EIF2B2: variants seen among roughly 807,000 people sequenced by gnomAD.
The protein encoded by EIF2B2 is translation initiation factor eIF2B subunit beta.
In EIF2B2, 34 loss-of-function variants were observed where a neutral mutation model predicts 34.7. That is an observed-to-expected ratio of 0.98 (90% confidence interval 0.75 to 1.31). EIF2B2 has a LOEUF of 1.31. Among genes scored for constraint, EIF2B2 ranks in the 50% most tolerant of loss-of-function variants. The pLI, the probability that EIF2B2 is intolerant of heterozygous loss-of-function variation, is 0.00. For synonymous variants in EIF2B2, 155 were observed against 171.6 expected (o/e 0.90, Z 0.76); for missense variants, 361 against 447.7 (o/e 0.81, Z 1.75).
Position 75,010,447 on chromosome 14 carries a change from T to C in EIF2B2, c.*1259T>C, listed in dbSNP as rs1029690165. 3 of 152,198 alleles carry C rather than the reference T, an allele frequency of 2.0e-5. No homozygotes were observed. Among genetic ancestry groups the C allele is most frequent in the Admixed American group, 6.5e-5 (1 of 15,278 alleles). The allele number at this position is 152,198 out of a possible 1,614,324, so 9.4% of individuals were successfully genotyped here. On this transcript the variant is annotated 3_prime_UTR_variant, in exon 8 of 8. Transcript: ENST00000266126. ...CACCGTGGAACATTATACATGGCAA[T>C]AGAAGTTTCAAAAGGATGGCTGGAG... is the stretch of plus-strand genomic sequence containing the variant.
rs1889687229 is a variant in EIF2B2, at chr14:75,010,259, T to C, written c.*1071T>C. 2.0e-5 allele frequency: 3 copies of C among 152,198 alleles called. No individual in the cohort carries two copies. The highest frequency in any genetic ancestry group is 2.1e-4 in the South Asian group (1 of 4,834). The allele number at this position is 152,198 out of a possible 1,614,324, so 9.4% of individuals were successfully genotyped here. ...AAAGGATAGTCTCATGTAGTGTTTA[T>C]AGGACTATAAATTGGTACAGCCTTT... On this transcript the variant is annotated 3_prime_UTR_variant, in exon 8 of 8. Coordinates refer to ENST00000266126, the MANE Select transcript of EIF2B2 (RefSeq NM_014239.4).
At chr14:75,004,446 T>A (rs778035989) in intron 3 of EIF2B2, among the ~76,000 whole-genome samples, 4 of 141,346 alleles carry the variant, frequency 2.8e-5, no homozygotes, top group Non-Finnish European at 6.2e-5. Flanking sequence ...ATCCCACAAC[T>A]TTGGGAGGCC....
Position 75,003,532 on chromosome 14 carries a change from G to T in EIF2B2, c.285-19G>T, listed in dbSNP as rs769894290. 2 of 1,614,056 alleles carry T rather than the reference G, an allele frequency of 1.2e-6. No homozygotes were observed. The highest frequency in any genetic ancestry group is 2.7e-5 in the African/African-American group (2 of 74,982). On this transcript the variant is annotated intron_variant, in intron 2 of 7. Transcript: ENST00000266126. ...CCACTCCTCCCCACCTCTCTCTTTG[G>T]GTCTTGTTGCCTCTATAGACTCCAT...
Position 75,003,017 on chromosome 14 carries a change from G to C in EIF2B2, c.27G>C (p.Ser9=). The C allele has an allele frequency of 6.2e-7, 1 of 1,614,158 alleles. No homozygotes were observed. The highest frequency in any genetic ancestry group is 1.1e-5 in the South Asian group (1 of 91,088). MPGSAAKG[S]ELSERIESFV... ...TGCCGGGATCCGCAGCGAAGGGCTC[G>C]GAGTTGTCAGAGAGGATCGAGAGCT... The change falls in exon 1 of 8, where the codon TCG becomes TCC. Residue 9 remains serine, a synonymous_variant. Transcript: ENST00000266126.
chr14:75,003,462 C>T, intron 2 of EIF2B2, 67 bp downstream of exon 2: 1 of 1,614,110 alleles, frequency 6.2e-7, no homozygotes, highest in Non-Finnish European at 8.5e-7. Flanking sequence ...CCTCTACCTG[C>T]TCGGAGACTT....
rs1389292273 is a variant in EIF2B2, at chr14:75,002,943, G to C, written c.-48G>C. The C allele has an allele frequency of 1.2e-6, 2 of 1,612,820 alleles. No individual in the cohort carries two copies. The highest frequency in any genetic ancestry group is 1.7e-5 in the Admixed American group (1 of 60,032). ...CCCGGAAGTGCAAACTGTGTGGTCT[G>C]GCAGGTGTGGATTCCGCCGGTGAAG... On this transcript the variant is annotated 5_prime_UTR_variant, in exon 1 of 8. Coordinates refer to ENST00000266126, the MANE Select transcript of EIF2B2 (RefSeq NM_014239.4).
chr14:75,008,664 A>G (rs1030024787), intron 7 of EIF2B2, among the ~76,000 whole-genome samples: 2 of 152,204 alleles, frequency 1.3e-5, no homozygotes, highest in Non-Finnish European at 2.9e-5. Flanking sequence ...TATGAAGATC[A>G]TAGTTTTCTA....
rs1200040566 is a variant in EIF2B2 at position 75,009,034 on chromosome 14, A to T, written c.902A>T (p.Asp301Val). The change falls in exon 8 of 8, where the codon GAC becomes GTC. Residue 301 changes from aspartate to valine, a missense_variant. Asp to Val is a radical substitution (Grantham distance 152). Coordinates refer to ENST00000266126, the MANE Select transcript of EIF2B2 (RefSeq NM_014239.4). Reference protein sequence around the residue: ...PEEVLPFTEGDILEKVSVHCP... With the variant: ...PEEVLPFTEGVILEKVSVHCP... ...AGCATGTGTGCTTGCCTTTCAGGGG[A>T]CATTCTGGAGAAGGTCAGCGTGCAT... 2 of 1,613,844 alleles carry T rather than the reference A, an allele frequency of 1.2e-6. No homozygotes were observed. The highest frequency in any genetic ancestry group is 1.7e-6 in the Non-Finnish European group (2 of 1,179,978).
In EIF2B2 at chr14:75,003,673, C is replaced by T. The variant is rs762017222; in HGVS notation, c.407C>T (p.Ala136Val). The change falls in exon 3 of 8, where the codon GCG becomes GTG. Residue 136 changes from alanine (A) to valine (V), a missense_variant. Transcript: ENST00000266126. ...YAQLQSNIIE[A>V]INELLVELEG... The stretch of plus-strand genomic sequence containing the variant: ...CAACTCCAGTCCAACATCATTGAGG[C>T]GATTAATGAGCTGCTAGTGGAGCTG... 1 of 1,614,112 alleles carries T rather than the reference C, an allele frequency of 6.2e-7. No individual in the cohort carries two copies. Among genetic ancestry groups the T allele is most frequent in the South Asian group, 1.1e-5 (1 of 91,080 alleles).
intron 3 of EIF2B2, among the ~76,000 whole-genome samples, 164 bp downstream of exon 3, chr14:75,003,863 C>G (rs1889580599): frequency 6.6e-6 from 1 of 152,156 alleles, no homozygotes; most frequent in Non-Finnish European, 1.5e-5. Context: ...GGTGACAGGA[C>G]CAAAGTAATC....
Position 75,009,122 on chromosome 14 carries a change from G to A in EIF2B2, c.990G>A (p.Gly330=). 6.2e-7 allele frequency: 1 copy of A among 1,614,048 alleles called. No homozygotes were observed. The highest frequency in any genetic ancestry group is 1.3e-5 in the African/African-American group (1 of 74,984). The change falls in exon 8 of 8, where the codon GGG becomes GGA. Residue 330 remains glycine, a synonymous_variant. Transcript: ENST00000266126. ...CCCTCTTTATCTCCAACATTGGTGG[G>A]AATGCACCTTCCTACATCTACCGCC... The part of the protein sequence containing the change: ...LITLFISNIG[G]NAPSYIYRLM...
chr14:75,005,088 A>G lies in EIF2B2; in HGVS notation c.597+188A>G, dbSNP rs1889607899. 15 of 669,982 alleles carry G rather than the reference A, an allele frequency of 2.2e-5. No homozygotes were observed. In the South Asian group the frequency reaches 2.3e-4, roughly 10 times the overall value. 41.5% of individuals were successfully genotyped at this position (669,982 alleles called of 1,614,324 possible). ...GAACATTCATAAATAGTGGTTTAAG[A>G]AAGTTGGGGCCGGGAGCGATGGCTC... is the stretch of plus-strand genomic sequence containing the variant. On this transcript the variant is annotated intron_variant, in intron 4 of 7. Transcript: ENST00000266126.
At position 75,007,689 on chromosome 14, in the gene EIF2B2, GTCTCTAGTTTTTA is replaced by G; in HGVS notation, c.832-31_832-19del. The stretch of plus-strand genomic sequence containing the variant: ...ACATACCTAGGAGTGGAATTGCTGG[GTCTCTAGTTTTTA>G]TAAATTTTTTCCTTTTTAGTTCCCC... On this transcript the variant is annotated intron_variant, in intron 6 of 7. Transcript: ENST00000266126. 6.3e-7 allele frequency: 1 copy of G among 1,577,412 alleles called. No homozygotes were observed. Among genetic ancestry groups the G allele is most frequent in the Non-Finnish European group, 8.7e-7 (1 of 1,148,232 alleles).
chr14:75,004,206 C>G (rs1034292262), intron 3 of EIF2B2, among the ~76,000 whole-genome samples: 3 of 152,188 alleles, frequency 2.0e-5, no homozygotes, highest in African/African-American at 7.2e-5. Flanking sequence ...TGGAGGAAGA[C>G]TTCTTTTAGG....
chr14:75,006,573 A>C lies in EIF2B2; in HGVS notation c.694-4A>C, dbSNP rs1889628883. The C allele has an allele frequency of 6.2e-6, 10 of 1,613,674 alleles. No individual in the cohort carries two copies. Among genetic ancestry groups the C allele is most frequent in the Non-Finnish European group, 8.5e-6 (10 of 1,180,022 alleles). On this transcript the variant is annotated splice_region_variant and splice_polypyrimidine_tract_variant and intron_variant, in intron 5 of 7. Transcript: ENST00000266126. The surrounding 1 kb of genome is among the most constrained non-coding windows in gnomAD (Gnocchi z 4.1). ...TGGCTCACATTTTTTGTCTTGTCCC[A>C]AAGGTGATCATTGGCACGAAGACCA...
Position 75,003,577 on chromosome 14 carries a change from A to G in EIF2B2, c.311A>G (p.Asp104Gly), listed in dbSNP as rs766843755. ...GRLHGRSDESDQQESLHKLLT... is the reference protein window; with the variant it reads ...GRLHGRSDESGQQESLHKLLT... ...CTCCATGGACGCAGCGACGAGAGTG[A>G]TCAGCAGGAGTCCCTGCACAAACTG... Residue 104 changes from aspartate (D) to glycine (G), a missense_variant, in exon 3 of 8, where the codon GAT becomes GGT. Coordinates refer to ENST00000266126, the MANE Select transcript of EIF2B2 (RefSeq NM_014239.4). 6.2e-7 allele frequency: 1 copy of G among 1,614,184 alleles called. No individual in the cohort carries two copies. Among genetic ancestry groups the G allele is most frequent in the South Asian group, 1.1e-5 (1 of 91,084 alleles).
chr14:75,010,131 G>T lies in EIF2B2; in HGVS notation c.*943G>T, dbSNP rs1889685309. 2 of 152,178 alleles carry T rather than the reference G, an allele frequency of 1.3e-5. No homozygotes were observed. The highest frequency in any genetic ancestry group is 4.8e-5 in the African/African-American group (2 of 41,432). 9.4% of individuals were successfully genotyped at this position (152,178 alleles called of 1,614,324 possible). Reference sequence around the variant, plus strand: ...CTCGCTGATCATCAGAATCACCTGAGAGTGATTCCGATCACTCACTCACAC... The same window carrying T: ...CTCGCTGATCATCAGAATCACCTGATAGTGATTCCGATCACTCACTCACAC... On this transcript the variant is annotated 3_prime_UTR_variant, in exon 8 of 8. Coordinates refer to ENST00000266126, the MANE Select transcript of EIF2B2 (RefSeq NM_014239.4).
rs1488864001 is a variant in EIF2B2 at position 75,010,060 on chromosome 14, C to T, written c.*872C>T. 1 of 152,184 alleles carries T rather than the reference C, an allele frequency of 6.6e-6. No individual in the cohort carries two copies. The highest frequency in any genetic ancestry group is 1.5e-5 in the Non-Finnish European group (1 of 68,038). The allele number at this position is 152,184 out of a possible 1,614,324, so 9.4% of individuals were successfully genotyped here. On this transcript the variant is annotated 3_prime_UTR_variant, in exon 8 of 8. Transcript: ENST00000266126. ...ATAGTTTCCTTTACAATTCACTGCT[C>T]CTGGCCCCAAAGTTTGTTCATAGTC...
At position 75,003,169 on chromosome 14, in the gene EIF2B2, C is replaced by G. The variant is rs955152478; in HGVS notation, c.163+16C>G. On this transcript the variant is annotated intron_variant, in intron 1 of 7. Coordinates refer to ENST00000266126, the MANE Select transcript of EIF2B2 (RefSeq NM_014239.4). Reference sequence around the variant, plus strand: ...AGCAACGCGGGTGAGGCCGGCCTGCCTCCGCCGGCGAACCTGGCCCCTGTC... The same window carrying G: ...AGCAACGCGGGTGAGGCCGGCCTGCGTCCGCCGGCGAACCTGGCCCCTGTC... 6.2e-7 allele frequency: 1 copy of G among 1,613,364 alleles called. No homozygotes were observed. The highest frequency in any genetic ancestry group is 8.5e-7 in the Non-Finnish European group (1 of 1,179,932).
Sources: gnomAD v4.1 joint callset for allele counts (sites outside exome capture counted in the v4.1 genomes callset) on GRCh38, gnomAD v4.1.1 for gene constraint, Gnocchi (gnomAD v3.1) non-coding constraint, MANE v1.5 for transcripts, NCBI Gene and HGNC (gene_info 2026-07-23, HGNC 2026-07-21) for gene names.